Variants in S1PR1 observed in about 807,000 individuals in gnomAD.
S1PR1 encodes sphingosine 1-phosphate receptor 1.
S1PR1 carries 2 observed loss-of-function variants against 18.3 expected under a neutral mutation model. The ratio of observed to expected loss-of-function variants is 0.11; its 90% CI spans 0.04 to 0.34. S1PR1 has a LOEUF of 0.34. Among genes scored for constraint, S1PR1 ranks in the 10% least tolerant of loss-of-function variants. S1PR1 has a pLI of 1.00. For synonymous variants in S1PR1, 222 were observed against 211.2 expected (o/e 1.05, Z -0.44); for missense variants, 335 against 493.8 (o/e 0.68, Z 3.05).
In S1PR1 at chr1:101,239,692, G is replaced by A. The variant is rs1334186622; in HGVS notation, c.708G>A (p.Thr236=). ...SLVRTRSRRL[T]FRKNISKASR... is the part of the protein sequence containing the mutation. ...TCAGGACTCGGAGCCGCCGCCTGAC[G>A]TTCCGCAAGAACATTTCCAAGGCCA... The change falls in exon 2 of 2, where the codon ACG becomes ACA. Residue 236 remains threonine, a synonymous_variant. Transcript: ENST00000305352. This position sits in a 1 kb window ranked among gnomAD's most constrained non-coding sequence, Gnocchi z 6.3. The A allele has an allele frequency of 1.9e-6, 3 of 1,613,984 alleles. No individual in the cohort carries two copies. The highest frequency in any genetic ancestry group is 1.1e-5 in the South Asian group (1 of 91,064).
downstream of S1PR1, among the ~76,000 whole-genome samples, chr1:101,242,179 C>G (rs536301728): frequency 6.6e-6 from 1 of 152,224 alleles, no homozygotes; most frequent in East Asian, 1.9e-4. Context: ...TTAATATTCT[C>G]AGTCATTAAT....
In S1PR1 at chr1:101,237,795, G is replaced by C. The variant is rs80356341; in HGVS notation, c.-164+696G>C. ...GTTTCTGAAGAGTAGTTTTGCAATC[G>C]AAATTAGAAATGTGGTAGCATGTAT... is the stretch of plus-strand genomic sequence containing the variant. On this transcript the variant is annotated intron_variant, in intron 1 of 1. Coordinates refer to ENST00000305352, the MANE Select transcript of S1PR1 (RefSeq NM_001400.5). Among the ~76,000 whole-genome samples the C allele has an allele frequency of 7.1e-3, 1,078 of 152,264 alleles. 10 individuals carry two copies. Among genetic ancestry groups the C allele is most frequent in the African/African-American group, 0.024 (998 of 41,534 alleles).
At chr1:101,242,006 GT>G (rs34429948), downstream of S1PR1, among the ~76,000 whole-genome samples, 6,575 of 82,014 alleles carry the variant, frequency 0.08, 430 homozygotes, top group African/African-American at 0.19. Flanking sequence ...TAAATCATGT[GT>G]TTTTTTTTTT....
chr1:101,241,046 C>G lies in S1PR1; in HGVS notation c.*913C>G, dbSNP rs1241630181. ...CAAATGAGTCTAACAAATATGACAT[C>G]TGTCTTTGGCACTTTTGTTGATGTT... On this transcript the variant is annotated 3_prime_UTR_variant, in exon 2 of 2. Transcript: ENST00000305352. 6.0e-6 allele frequency: 1 copy of G among 167,070 alleles called. No individual in the cohort carries two copies. Among genetic ancestry groups the G allele is most frequent in the African/African-American group, 2.4e-5 (1 of 41,458 alleles). The allele number at this position is 167,070 out of a possible 1,614,324, so 10.3% of individuals were successfully genotyped here.
downstream of S1PR1, among the ~76,000 whole-genome samples, chr1:101,241,989 T>G (rs1652926794): frequency 6.7e-6 from 1 of 148,890 alleles, no homozygotes; most frequent in African/African-American, 2.5e-5. Flanking sequence ...GATATGGATA[T>G]GGGTATTAAA....
At position 101,239,005 on chromosome 1, in the gene S1PR1, G is replaced by T. The variant is rs769950510; in HGVS notation, c.21G>T (p.Pro7=). ...GCACCATGGGGCCCACCAGCGTCCC[G>T]CTGGTCAAGGCCCACCGCAGCTCGG... MGPTSV[P]LVKAHRSSVS... The change falls in exon 2 of 2, where the codon CCG becomes CCT. Residue 7 remains proline (P), a synonymous_variant. Transcript: ENST00000305352. This position sits in a 1 kb window ranked among gnomAD's most constrained non-coding sequence, Gnocchi z 6.3. 2.5e-6 allele frequency: 4 copies of T among 1,613,544 alleles called. No individual in the cohort carries two copies. The African/African-American group carries it at 4.0e-5, about 16-fold the overall frequency.
intron 1 of S1PR1, among the ~76,000 whole-genome samples, chr1:101,237,564 A>T (rs1056198253): frequency 6.6e-6 from 1 of 152,174 alleles, no homozygotes; most frequent in Non-Finnish European, 1.5e-5. Flanking sequence ...GATTGTTCTC[A>T]TCTCTATTAC....
chr1:101,239,593 C>A lies in S1PR1; in HGVS notation c.609C>A (p.Ile203=). Residue 203 remains isoleucine, a synonymous_variant, in exon 2 of 2, where the codon ATC becomes ATA. Coordinates refer to ENST00000305352, the MANE Select transcript of S1PR1 (RefSeq NM_001400.5). This position sits in a 1 kb window ranked among gnomAD's most constrained non-coding sequence, Gnocchi z 6.3. Reference sequence around the variant, plus strand: ...TGCCGCTCTACCACAAGCACTATATCCTCTTCTGCACCACGGTCTTCACTC... The same window carrying A: ...TGCCGCTCTACCACAAGCACTATATACTCTTCTGCACCACGGTCTTCACTC... ...TVLPLYHKHY[I]LFCTTVFTLL... 6.2e-7 allele frequency: 1 copy of A among 1,614,086 alleles called. No homozygotes were observed. The highest frequency in any genetic ancestry group is 8.5e-7 in the Non-Finnish European group (1 of 1,180,028).
Position 101,239,299 on chromosome 1 carries a change from T to C in S1PR1, c.315T>C (p.Ser105=). 1 of 1,614,182 alleles carries C rather than the reference T, an allele frequency of 6.2e-7. No homozygotes were observed. Among genetic ancestry groups the C allele is most frequent in the Non-Finnish European group, 8.5e-7 (1 of 1,180,028 alleles). The change falls in exon 2 of 2, where the codon TCT becomes TCC. Residue 105 remains serine, a synonymous_variant. Coordinates refer to ENST00000305352, the MANE Select transcript of S1PR1 (RefSeq NM_001400.5). This position sits in a 1 kb window ranked among gnomAD's most constrained non-coding sequence, Gnocchi z 6.3. ...GVAYTANLLL[S]GATTYKLTPA... ...CCTACACAGCTAACCTGCTCTTGTC[T>C]GGGGCCACCACCTACAAGCTCACTC... is the stretch of plus-strand genomic sequence containing the variant.
At chr1:101,237,805 A>G (rs1382743985) in intron 1 of S1PR1, among the ~76,000 whole-genome samples, 2 of 152,146 alleles carry the variant, frequency 1.3e-5, no homozygotes, top group Non-Finnish European at 2.9e-5. Flanking sequence ...GAAATTAGAA[A>G]TGTGGTAGCA....
chr1:101,239,353 T>G lies in S1PR1; in HGVS notation c.369T>G (p.Ser123Arg), dbSNP rs764882714. ...TPAQWFLREG[S>R]MFVALSASVF... is the part of the protein sequence containing the mutation. ...CCCAGTGGTTTCTGCGGGAAGGGAG[T>G]ATGTTTGTGGCCCTGTCAGCCTCCG... The change falls in exon 2 of 2, where the codon AGT (serine) becomes AGG (arginine). Residue 123 changes from serine to arginine, a missense_variant. Around this residue, in one of 3 missense-constraint regions of S1PR1, gnomAD observed 214 missense variants for 366.6 expected, o/e 0.58. Transcript: ENST00000305352. This position sits in a 1 kb window ranked among gnomAD's most constrained non-coding sequence, Gnocchi z 6.3. 6.2e-7 allele frequency: 1 copy of G among 1,613,872 alleles called. No homozygotes were observed. Among genetic ancestry groups the G allele is most frequent in the South Asian group, 1.1e-5 (1 of 91,058 alleles).
Position 101,239,006 on chromosome 1 carries a change from C to T in S1PR1, c.22C>T (p.Leu8=). 1 of 1,613,730 alleles carries T rather than the reference C, an allele frequency of 6.2e-7. No homozygotes were observed. The highest frequency in any genetic ancestry group is 8.5e-7 in the Non-Finnish European group (1 of 1,179,730). The change falls in exon 2 of 2, where the codon CTG becomes TTG. Residue 8 remains leucine (L), a synonymous_variant. Transcript: ENST00000305352. This position sits in a 1 kb window ranked among gnomAD's most constrained non-coding sequence, Gnocchi z 6.3. Reference sequence around the variant, plus strand: ...CACCATGGGGCCCACCAGCGTCCCGCTGGTCAAGGCCCACCGCAGCTCGGT... The same window carrying T: ...CACCATGGGGCCCACCAGCGTCCCGTTGGTCAAGGCCCACCGCAGCTCGGT... The part of the protein sequence containing the change: MGPTSVP[L]VKAHRSSVSD...
At position 101,239,279 on chromosome 1, in the gene S1PR1, A is replaced by C; in HGVS notation, c.295A>C (p.Thr99Pro). ...LSDLLAGVAY[T>P]ANLLLSGATT... ...AGACCTGTTGGCAGGAGTAGCCTAC[A>C]CAGCTAACCTGCTCTTGTCTGGGGC... Residue 99 changes from threonine (T) to proline (P), a missense_variant, in exon 2 of 2, where the codon ACA becomes CCA. Physicochemically the swap from Thr to Pro is conservative, Grantham distance 38. Transcript: ENST00000305352. The surrounding 1 kb of genome is among the most constrained non-coding windows in gnomAD (Gnocchi z 6.3). 1 of 1,614,184 alleles carries C rather than the reference A, an allele frequency of 6.2e-7. No individual in the cohort carries two copies. The highest frequency in any genetic ancestry group is 1.3e-5 in the African/African-American group (1 of 75,034).
rs961231429 is a variant in S1PR1, at chr1:101,240,378, C to A, written c.*245C>A. ...GGCCTGGAATATATTTTCTACCCCC[C>A]TGGAGCTTTGATTTTGCACTGAGCC... On this transcript the variant is annotated 3_prime_UTR_variant, in exon 2 of 2. Coordinates refer to ENST00000305352, the MANE Select transcript of S1PR1 (RefSeq NM_001400.5). 1 of 574,560 alleles carries A rather than the reference C, an allele frequency of 1.7e-6. No individual in the cohort carries two copies. The highest frequency in any genetic ancestry group is 3.2e-6 in the Non-Finnish European group (1 of 312,678). 35.6% of individuals were successfully genotyped at this position (574,560 alleles called of 1,614,324 possible).
chr1:101,240,378 CT>C lies in S1PR1; in HGVS notation c.*246del. ...GGCCTGGAATATATTTTCTACCCCC[CT>C]GGAGCTTTGATTTTGCACTGAGCCA... On this transcript the variant is annotated 3_prime_UTR_variant, in exon 2 of 2. Coordinates refer to ENST00000305352, the MANE Select transcript of S1PR1 (RefSeq NM_001400.5). 5.2e-6 allele frequency: 3 copies of C among 574,678 alleles called. No homozygotes were observed. Among genetic ancestry groups the C allele is most frequent in the Non-Finnish European group, 9.6e-6 (3 of 312,670 alleles). 35.6% of individuals were successfully genotyped at this position (574,678 alleles called of 1,614,324 possible). A position where few individuals can be genotyped will look rare whatever the true frequency, so the allele number is the denominator to read the frequency against.
Position 101,239,947 on chromosome 1 carries a change from C to T in S1PR1, c.963C>T (p.Ala321=), listed in dbSNP as rs747870817. Residue 321 remains alanine (A), a synonymous_variant, in exon 2 of 2, where the codon GCC becomes GCT. Coordinates refer to ENST00000305352, the MANE Select transcript of S1PR1 (RefSeq NM_001400.5). This position sits in a 1 kb window ranked among gnomAD's most constrained non-coding sequence, Gnocchi z 6.3. ...YTLTNKEMRR[A]FIRIMSCCKC... ...TGACCAACAAGGAGATGCGTCGGGC[C>T]TTCATCCGGATCATGTCCTGCTGCA... 16 of 1,614,040 alleles carry T rather than the reference C, an allele frequency of 9.9e-6. No individual in the cohort carries two copies. The highest frequency in any genetic ancestry group is 1.3e-5 in the Non-Finnish European group (15 of 1,180,052).
At position 101,239,544 on chromosome 1, in the gene S1PR1, C is replaced by T. The variant is rs1160940262; in HGVS notation, c.560C>T (p.Ala187Val). The change falls in exon 2 of 2, where the codon GCG (alanine) becomes GTG (valine). Residue 187 changes from alanine (A) to valine (V), a missense_variant. Around this residue, in one of 3 missense-constraint regions of S1PR1, gnomAD observed 214 missense variants for 366.6 expected, o/e 0.58. Coordinates refer to ENST00000305352, the MANE Select transcript of S1PR1 (RefSeq NM_001400.5). This position sits in a 1 kb window ranked among gnomAD's most constrained non-coding sequence, Gnocchi z 6.3. ...ATCATGGGCTGGAACTGCATCAGTG[C>T]GCTGTCCAGCTGCTCCACCGTGCTG... is the stretch of plus-strand genomic sequence containing the variant. ...LPIMGWNCIS[A>V]LSSCSTVLPL... 2 of 1,613,928 alleles carry T rather than the reference C, an allele frequency of 1.2e-6. No homozygotes were observed. The highest frequency in any genetic ancestry group is 1.7e-6 in the Non-Finnish European group (2 of 1,180,016).
intron 1 of S1PR1, 62 bp from the exon 2 acceptor site, chr1:101,238,760 A>G (rs1652789033): frequency 5.3e-6 from 3 of 571,036 alleles, no homozygotes; most frequent in South Asian, 2.4e-5. Flanking sequence ...TGCCTTAGCT[A>G]GAATGAATTA....
At chr1:101,237,493 G>T (rs140135767) in intron 1 of S1PR1, among the ~76,000 whole-genome samples, 49 of 152,350 alleles carry the variant, frequency 3.2e-4, no homozygotes, top group African/African-American at 1.2e-3. Context: ...TATAAAATTA[G>T]TTGGGGGAAA....
Sources: gnomAD v4.1 joint callset for allele counts (sites outside exome capture counted in the v4.1 genomes callset) on GRCh38, gnomAD v4.1.1 for gene constraint, gnomAD v4.1.1 regional missense constraint, Gnocchi (gnomAD v3.1) non-coding constraint, MANE v1.5 for transcripts, NCBI Gene and HGNC (gene_info 2026-07-23, HGNC 2026-07-21) for gene names.